The following LOXL4 variants were observed in gnomAD, a reference collection of about 807,000 sequenced individuals.
The protein encoded by LOXL4 is lysyl oxidase homolog 4.
LOXL4 carries 72 observed loss-of-function variants against 89.1 expected under a neutral mutation model. The ratio of observed to expected loss-of-function variants is 0.81; its 90% confidence interval spans 0.67 to 0.98. The LOEUF (loss-of-function observed/expected upper bound fraction) is 0.98. LOXL4 is among the 50% of genes least tolerant of loss of function. The pLI is 0.00. For missense variants in LOXL4, 984 were observed against 1,017.5 expected, an observed-to-expected ratio of 0.97 and a Z score of 0.45; for synonymous variants, 355 against 392.1, an observed-to-expected ratio of 0.91 and a Z score of 1.12.
rs369072559 is a variant in LOXL4 at position 98,256,958 on chromosome 10, G to A, written c.1261-11C>T. 22 of 1,612,982 alleles carry A rather than the reference G, an allele frequency of 1.4e-5. No individual in the cohort carries two copies. The South Asian group carries it at 1.4e-4, about 10-fold the overall frequency. On this transcript the variant is annotated splice_polypyrimidine_tract_variant and intron_variant, in intron 8 of 14. Coordinates refer to ENST00000260702, the MANE Select transcript of LOXL4 (RefSeq NM_032211.7). ...ACCAGCCAAGCGCACCTGCAATGGC[G>A]AGGGGTGTGTGAGGAGTGGGGTAGC...
chr10:98,254,699 T>G (rs1858304724), intron 10 of LOXL4, among the ~76,000 whole-genome samples: 1 of 152,036 alleles, frequency 6.6e-6, no homozygotes, highest in South Asian at 2.1e-4. Flanking sequence ...CTGTAGGCAG[T>G]GGAGCAGGGA....
Position 98,262,186 on chromosome 10 carries a change from C to G in LOXL4, c.305G>C (p.Cys102Ser), listed in dbSNP as rs750133205. The G allele has an allele frequency of 6.2e-7, 1 of 1,613,778 alleles. No homozygotes were observed. The change falls in exon 3 of 15, where the codon TGT (cysteine) becomes TCT (serine). Residue 102 changes from cysteine to serine, a missense_variant. Coordinates refer to ENST00000260702, the MANE Select transcript of LOXL4 (RefSeq NM_032211.7). ...EGPIWLDNVR[C>S]VGTESSLDQC... is the part of the protein sequence containing the mutation. ...GTCCAAGGAGCTCTCTGTGCCCACACAGCGCACATTGTCCAGCCAGATGGG... is the reference window on the plus strand; with the variant it reads ...GTCCAAGGAGCTCTCTGTGCCCACAGAGCGCACATTGTCCAGCCAGATGGG...
Position 98,258,155 on chromosome 10 carries a change from C to A in LOXL4, c.931G>T (p.Val311Leu), listed in dbSNP as rs1379421564. The A allele has an allele frequency of 6.2e-7, 1 of 1,610,414 alleles. No homozygotes were observed. Among genetic ancestry groups the A allele is most frequent in the East Asian group, 2.2e-5 (1 of 44,812 alleles). ...ACCTGGGCCCCGGAGCGCAGGCGCA[C>A]CCTCGGCTCCTGCTGGGAGAAACCT... ...RKGSWAEEPR[V>L]RLRSGAQVGE... Residue 311 changes from valine to leucine, a missense_variant, in exon 7 of 15, where the codon GTG (valine) becomes TTG (leucine). Physicochemically the swap from Val to Leu is conservative, Grantham distance 32 (BLOSUM62 1). Coordinates refer to ENST00000260702, the MANE Select transcript of LOXL4 (RefSeq NM_032211.7).
In LOXL4 at chr10:98,262,259, C is replaced by A. The variant is rs1277880971; in HGVS notation, c.278-46G>T. The A allele has an allele frequency of 3.7e-6, 6 of 1,601,022 alleles. No individual in the cohort carries two copies. In the East Asian group the frequency reaches 8.9e-5, roughly 24 times the overall value. ...TCAAAGATGGCACAGAGAGGCAGGT[C>A]ACAGGCTCTGCCTCCTGCATAGGAC... is the stretch of plus-strand genomic sequence containing the variant. On this transcript the variant is annotated intron_variant, in intron 2 of 14. Transcript: ENST00000260702.
intron 6 of LOXL4, among the ~76,000 whole-genome samples, chr10:98,258,570 G>C (rs1233112648): frequency 1.3e-5 from 2 of 151,648 alleles, no homozygotes; most frequent in Admixed American, 1.3e-4. Flanking sequence ...CACCTCACGA[G>C]GCCATCTCAG....
intron 10 of LOXL4, 51 bp downstream of exon 10, chr10:98,255,526 G>A: frequency 6.4e-7 from 1 of 1,554,650 alleles, no homozygotes; most frequent in Non-Finnish European, 8.8e-7. Flanking sequence ...CCTCCCTGAA[G>A]GGGAGCACAG....
intron 10 of LOXL4, among the ~76,000 whole-genome samples, chr10:98,255,175 G>A (rs968707654): frequency 6.6e-6 from 1 of 152,188 alleles, no homozygotes; most frequent in African/African-American, 2.4e-5. Flanking sequence ...TGTCCTCTAC[G>A]ACAGCTTTCA....
Position 98,251,546 on chromosome 10 carries a change from G to T in LOXL4, c.2088+20C>A, listed in dbSNP as rs770639394. On this transcript the variant is annotated intron_variant, in intron 13 of 14. Coordinates refer to ENST00000260702, the MANE Select transcript of LOXL4 (RefSeq NM_032211.7). Reference sequence around the variant, plus strand: ...TCTGGAGGAAATCAGGCTCTGTGGGGAATCCCCCAGCCGCCTTACCTGGAA... The same window carrying T: ...TCTGGAGGAAATCAGGCTCTGTGGGTAATCCCCCAGCCGCCTTACCTGGAA... 5.6e-6 allele frequency: 9 copies of T among 1,612,916 alleles called. No individual in the cohort carries two copies. The South Asian group carries it at 7.7e-5, about 14-fold the overall frequency.
chr10:98,251,570 A>G lies in LOXL4; in HGVS notation c.2084T>C (p.Phe695Ser). ...ITDVGPGNYIFQVIVNPHYEV... is the reference protein window; with the variant it reads ...ITDVGPGNYISQVIVNPHYEV... ...GGAATCCCCCAGCCGCCTTACCTGG[A>G]AGATATAATTCCCGGGGCCCACATC... The change falls in exon 13 of 15, where the codon TTC (phenylalanine) becomes TCC (serine). Residue 695 changes from phenylalanine to serine, a missense_variant. Phe to Ser is a radical substitution (Grantham distance 155). Coordinates refer to ENST00000260702, the MANE Select transcript of LOXL4 (RefSeq NM_032211.7). 6.2e-7 allele frequency: 1 copy of G among 1,614,154 alleles called. No individual in the cohort carries two copies. Among genetic ancestry groups the G allele is most frequent in the Non-Finnish European group, 8.5e-7 (1 of 1,180,012 alleles).
Position 98,250,471 on chromosome 10 carries a change from T to C in LOXL4, c.2200+594A>G, listed in dbSNP as rs74870712. Among the ~76,000 whole-genome samples the C allele has an allele frequency of 2.8e-3, 425 of 152,368 alleles. 2 individuals carry two copies. Among genetic ancestry groups the C allele is most frequent in the Middle Eastern group, 0.01 (3 of 294 alleles). ...CCATCCCACCGCACATATGCAAGTA[T>C]GAGTGAATGCATATCCCATAGCAAA... is the stretch of plus-strand genomic sequence containing the variant. On this transcript the variant is annotated intron_variant, in intron 14 of 14. Coordinates refer to ENST00000260702, the MANE Select transcript of LOXL4 (RefSeq NM_032211.7).
At position 98,252,443 on chromosome 10, in the gene LOXL4, T is replaced by A. The variant is rs375147335; in HGVS notation, c.1861A>T (p.Thr621Ser). 2 of 1,613,620 alleles carry A rather than the reference T, an allele frequency of 1.2e-6. No individual in the cohort carries two copies. Among genetic ancestry groups the A allele is most frequent in the Non-Finnish European group, 1.7e-6 (2 of 1,179,750 alleles). ...HRHYHSIEVF[T>S]HYDLLTLNGS... is the part of the protein sequence containing the mutation. The stretch of plus-strand genomic sequence containing the variant: ...TTGAGAGTGAGGAGGTCGTAGTGGG[T>A]GAAGACCTCAATGCTGTGGTAATGC... The change falls in exon 12 of 15, where the codon ACC becomes TCC. Residue 621 changes from threonine (T) to serine (S), a missense_variant. Physicochemically the swap from Thr to Ser is moderately conservative, Grantham distance 58. Coordinates refer to ENST00000260702, the MANE Select transcript of LOXL4 (RefSeq NM_032211.7).
Position 98,262,950 on chromosome 10 carries a change from G to A in LOXL4, c.70C>T (p.Pro24Ser). The A allele has an allele frequency of 6.2e-7, 1 of 1,613,780 alleles. No homozygotes were observed. Among genetic ancestry groups the A allele is most frequent in the Non-Finnish European group, 8.5e-7 (1 of 1,180,034 alleles). The change falls in exon 2 of 15, where the codon CCA becomes TCA. Residue 24 changes from proline to serine, a missense_variant. Transcript: ENST00000260702. Reference sequence around the variant, plus strand: ...AGCTTAGTGGTGCCCAGTGACTGTGGCCTGCTGGGAGGGGGCTGGCCTAGC... The same window carrying A: ...AGCTTAGTGGTGCCCAGTGACTGTGACCTGCTGGGAGGGGGCTGGCCTAGC... ...LLLGQPPPSRPQSLGTTKLRL... is the reference protein window; with the variant it reads ...LLLGQPPPSRSQSLGTTKLRL...
At chr10:98,249,591 C>T (rs929684859) in intron 14 of LOXL4, among the ~76,000 whole-genome samples, 13 of 152,232 alleles carry the variant, frequency 8.5e-5, no homozygotes, top group Admixed American at 2.6e-4. Flanking sequence ...TATAAATAGT[C>T]CTTTAATTAA....
At position 98,253,548 on chromosome 10, in the gene LOXL4, C is replaced by G. The variant is rs751333385; in HGVS notation, c.1835+5G>C. On this transcript the variant is annotated splice_donor_5th_base_variant and intron_variant, in intron 11 of 14. Transcript: ENST00000260702. ...TCTAGTGCCAATGCATGGGCAGGCT[C>G]TAACCTGTGGCACTGGTGCCAAACC... The G allele has an allele frequency of 2.5e-5, 40 of 1,614,136 alleles. No individual in the cohort carries two copies. Among genetic ancestry groups the G allele is most frequent in the Non-Finnish European group, 2.7e-5 (32 of 1,180,060 alleles).
At position 98,255,805 on chromosome 10, in the gene LOXL4, G is replaced by A; in HGVS notation, c.1429-66C>T. The A allele has an allele frequency of 1.1e-5, 17 of 1,560,810 alleles. 1 individual carries two copies. The Middle Eastern group carries it at 2.4e-3, about 219-fold the overall frequency. Reference sequence around the variant, plus strand: ...GAGTCACCTCCTGACTCCCATCTGAGGTGTGGCCTCAGTCATACCACCCCC... The same window carrying A: ...GAGTCACCTCCTGACTCCCATCTGAAGTGTGGCCTCAGTCATACCACCCCC... On this transcript the variant is annotated intron_variant, in intron 9 of 14. Coordinates refer to ENST00000260702, the MANE Select transcript of LOXL4 (RefSeq NM_032211.7).
In LOXL4 at chr10:98,256,992, G is replaced by A. The variant is rs372494762; in HGVS notation, c.1261-45C>T. The A allele has an allele frequency of 1.7e-4, 278 of 1,594,846 alleles. 1 individual carries two copies. In the African/African-American group the frequency reaches 2.7e-3, roughly 16 times the overall value. ...GTGAGGAGTGGGGTAGCCTTGCAGG[G>A]AAGAGCTCAGGGCTGCGAGCCTGGA... On this transcript the variant is annotated intron_variant, in intron 8 of 14. Coordinates refer to ENST00000260702, the MANE Select transcript of LOXL4 (RefSeq NM_032211.7).
rs7077073 is a variant in LOXL4, at chr10:98,259,087, G to C, written c.843C>G (p.His281Gln). ...GCCCTGCCACACAGCTGACCACAGCGTGCATGCCACCTGGGCAGGCTGGCC... is the reference window on the plus strand; with the variant it reads ...GCCCTGCCACACAGCTGACCACAGCCTGCATGCCACCTGGGCAGGCTGGCC... ...KLRPACPGGM[H>Q]AVVSCVAGPH... Residue 281 changes from histidine (H) to glutamine (Q), a missense_variant, in exon 6 of 15, where the codon CAC becomes CAG. Transcript: ENST00000260702. 2.5e-6 allele frequency: 4 copies of C among 1,593,986 alleles called. No homozygotes were observed. The highest frequency in any genetic ancestry group is 2.7e-5 in the African/African-American group (2 of 74,698).
intron 9 of LOXL4, 28 bp downstream of exon 9, chr10:98,256,752 A>G: frequency 1.9e-6 from 3 of 1,613,540 alleles, no homozygotes; most frequent in Middle Eastern, 1.7e-4. Context: ...GTGAGAGGTC[A>G]TACGGAAGAA....
chr10:98,257,845 C>T lies in LOXL4; in HGVS notation c.1106-41G>A, dbSNP rs747754222. The T allele has an allele frequency of 3.8e-5, 61 of 1,591,912 alleles. 1 individual carries two copies. Among genetic ancestry groups the T allele is most frequent in the Middle Eastern group, 3.4e-4 (2 of 5,958 alleles). Reference sequence around the variant, plus strand: ...GGTGCTGTGTGCGAGGCTCCATCTCCGTAACCCCACACTTGTGGCTTCCCC... The same window carrying T: ...GGTGCTGTGTGCGAGGCTCCATCTCTGTAACCCCACACTTGTGGCTTCCCC... On this transcript the variant is annotated intron_variant, in intron 7 of 14. Transcript: ENST00000260702.
Sources: allele counts gnomAD v4.1 joint callset (sites outside exome capture counted in the v4.1 genomes callset), GRCh38; gene constraint gnomAD v4.1.1; transcripts MANE v1.5; gene names NCBI Gene and HGNC (gene_info 2026-07-23, HGNC 2026-07-21).